The following TSEN15 variants were observed in gnomAD, a reference collection of about 807,000 sequenced individuals.
The protein encoded by TSEN15 is tRNA-splicing endonuclease subunit Sen15.
In TSEN15, 10 loss-of-function variants were observed where a neutral mutation model predicts 20.5. The ratio of observed to expected loss-of-function variants is 0.49; its 90% confidence interval spans 0.30 to 0.83. TSEN15 has a LOEUF of 0.83. Ranked by LOEUF, TSEN15 falls within the 40% of genes least tolerant of loss-of-function variation. The probability of loss-of-function intolerance (pLI) is 0.06; values close to 1 mark genes in which losing one functional copy is unlikely to be tolerated. For synonymous variants in TSEN15, 72 were observed against 80.1 expected, an observed-to-expected ratio of 0.90 and a Z score of 0.54; for missense variants, 180 against 218.6, an observed-to-expected ratio of 0.82 and a Z score of 1.11.
At chr1:184,071,809 ACACT>A (rs758151226) in intron 3 of TSEN15, among the ~76,000 whole-genome samples, 10 of 152,016 alleles carry the variant, frequency 6.6e-5, no homozygotes, top group Non-Finnish European at 8.8e-5. Flanking sequence ...ATTTGAATAA[ACACT>A]CAAAAGGGCA....
At chr1:184,060,068 G>A (rs939314029) in intron 3 of TSEN15, among the ~76,000 whole-genome samples, 1 of 152,192 alleles carries the variant, frequency 6.6e-6, no homozygotes, top group Admixed American at 6.5e-5. Flanking sequence ...CAAAGAATAT[G>A]AACAGGCAAC....
downstream of TSEN15, among the ~76,000 whole-genome samples, chr1:184,075,690 G>C (rs1333391073): frequency 6.6e-6 from 1 of 152,010 alleles, no homozygotes; most frequent in Admixed American, 6.6e-5. Flanking sequence ...TGGTACTCTT[G>C]AAAATTTATT....
chr1:184,068,547 A>T (rs1291499907), intron 3 of TSEN15, among the ~76,000 whole-genome samples: 1 of 152,126 alleles, frequency 6.6e-6, no homozygotes, highest in Admixed American at 6.5e-5. Context: ...CTTGCAGTTC[A>T]TTACAGAATG....
chr1:184,066,974 C>G (rs905833774), intron 3 of TSEN15, among the ~76,000 whole-genome samples: 2 of 152,158 alleles, frequency 1.3e-5, no homozygotes, highest in Admixed American at 1.3e-4. Context: ...TCACATAGAT[C>G]CTATAAATAT....
intron 3 of TSEN15, among the ~76,000 whole-genome samples, chr1:184,089,473 A>G (rs1572723072): frequency 6.6e-6 from 1 of 152,162 alleles, no homozygotes; most frequent in South Asian, 2.1e-4. Context: ...ACAGCAGACC[A>G]TATGGAAAAT....
At chr1:184,072,760 T>C in intron 4 of TSEN15, 67 bp from the exon 5 acceptor site, 1 of 1,353,460 alleles carries the variant, frequency 7.4e-7, no homozygotes, top group Non-Finnish European at 1.0e-6. Flanking sequence ...TAAATATCTT[T>C]CTAATTTTGC....
intron 3 of TSEN15, among the ~76,000 whole-genome samples, chr1:184,059,096 G>C (rs1173851724): frequency 1.3e-5 from 2 of 150,228 alleles, no homozygotes; most frequent in Non-Finnish European, 3.0e-5. Context: ...CCTTTGTTCA[G>C]ATATTTAATT....
intron 3 of TSEN15, among the ~76,000 whole-genome samples, chr1:184,062,130 T>C (rs1192855395): frequency 1.3e-5 from 2 of 152,150 alleles, no homozygotes; most frequent in Non-Finnish European, 2.9e-5. Context: ...ATTTTGCTGA[T>C]GGAGTATGAA....
chr1:184,077,376 T>C (rs954734201), downstream of TSEN15, among the ~76,000 whole-genome samples: 2 of 152,172 alleles, frequency 1.3e-5, no homozygotes, highest in Admixed American at 6.6e-5. Context: ...AAAAGATTTC[T>C]TTCAAAATAT....
chr1:184,079,729 G>A (rs1439878020), intron 3 of TSEN15, among the ~76,000 whole-genome samples: 1 of 152,054 alleles, frequency 6.6e-6, no homozygotes, highest in East Asian at 1.9e-4. Flanking sequence ...CCCAATTCCA[G>A]TCACATTGTG....
At chr1:184,072,406 G>A in intron 4 of TSEN15, 108 bp downstream of exon 4, 7 of 1,061,304 alleles carry the variant, frequency 6.6e-6, no homozygotes, top group Non-Finnish European at 9.0e-6. Flanking sequence ...CTTTGCCATA[G>A]GGAAAATTCA....
chr1:184,085,369 A>G (rs576968168), intron 3 of TSEN15, among the ~76,000 whole-genome samples: 2 of 152,344 alleles, frequency 1.3e-5, no homozygotes, highest in South Asian at 4.1e-4. Flanking sequence ...GGATATAAGG[A>G]CCTTATTTTG....
At chr1:184,071,507 A>C (rs1650881082) in intron 3 of TSEN15, among the ~76,000 whole-genome samples, 1 of 152,076 alleles carries the variant, frequency 6.6e-6, no homozygotes, top group Non-Finnish European at 1.5e-5. Context: ...GGAGGAAAGG[A>C]ATAAAGCTCT....
chr1:184,073,071 C>T lies in TSEN15; in HGVS notation c.*224C>T. 1 of 534,716 alleles carries T rather than the reference C, an allele frequency of 1.9e-6. No individual in the cohort carries two copies. Among genetic ancestry groups the T allele is most frequent in the African/African-American group, 2.0e-5 (1 of 50,524 alleles). The allele number at this position is 534,716 out of a possible 1,614,324, so 33.1% of individuals were successfully genotyped here. A position where few individuals can be genotyped will look rare whatever the true frequency, so the allele number is the denominator to read the frequency against. Reference sequence around the variant, plus strand: ...TCTTTAAAACTTTGTTATCTAGAGACAGTTTAATTACAGTTATATACAGGT... The same window carrying T: ...TCTTTAAAACTTTGTTATCTAGAGATAGTTTAATTACAGTTATATACAGGT... On this transcript the variant is annotated 3_prime_UTR_variant, in exon 5 of 5. Transcript: ENST00000645668.
At position 184,073,243 on chromosome 1, in the gene TSEN15, C is replaced by T. The variant is rs1650958821; in HGVS notation, c.*396C>T. 1 of 170,898 alleles carries T rather than the reference C, an allele frequency of 5.9e-6. No individual in the cohort carries two copies. Among genetic ancestry groups the T allele is most frequent in the African/African-American group, 2.4e-5 (1 of 42,240 alleles). 10.6% of individuals were successfully genotyped at this position (170,898 alleles called of 1,614,324 possible). ...TCTCTTACTCAGCTCTCCCCAGTGCCTTTTGGCCACTGCAGCTACCGTAGA... is the reference window on the plus strand; with the variant it reads ...TCTCTTACTCAGCTCTCCCCAGTGCTTTTTGGCCACTGCAGCTACCGTAGA... On this transcript the variant is annotated 3_prime_UTR_variant, in exon 5 of 5. Coordinates refer to ENST00000645668, the MANE Select transcript of TSEN15 (RefSeq NM_052965.4).
At chr1:184,052,159 A>T (rs1199224359) in intron 1 of TSEN15, among the ~76,000 whole-genome samples, 1 of 152,210 alleles carries the variant, frequency 6.6e-6, no homozygotes, top group Non-Finnish European at 1.5e-5. Context: ...GAGATCCCTA[A>T]TAAGCGCTCC....
chr1:184,054,946 G>T, intron 3 of TSEN15, 83 bp downstream of exon 3: 1 of 1,449,624 alleles, frequency 6.9e-7, no homozygotes, highest in Middle Eastern at 1.9e-4. Context: ...TACTTTTAAT[G>T]AAATTTGGGA....
intron 1 of TSEN15, among the ~76,000 whole-genome samples, chr1:184,053,237 A>G (rs1454822925): frequency 6.6e-6 from 1 of 152,144 alleles, no homozygotes; most frequent in Non-Finnish European, 1.5e-5. Context: ...AAGAACAAGT[A>G]ATAAAATAAT....
intron 3 of TSEN15, among the ~76,000 whole-genome samples, chr1:184,068,051 A>G (rs1319460615): frequency 6.7e-6 from 1 of 149,432 alleles, no homozygotes; most frequent in Non-Finnish European, 1.5e-5. Context: ...GTAACCTGCC[A>G]ATGTTATGAA....
Sources: allele counts gnomAD v4.1 joint callset (sites outside exome capture counted in the v4.1 genomes callset), GRCh38; gene constraint gnomAD v4.1.1; transcripts MANE v1.5; gene names NCBI Gene and HGNC (gene_info 2026-07-23, HGNC 2026-07-21).